The following GNAQ variants were observed in gnomAD, a reference collection of about 807,000 sequenced individuals.
GNAQ encodes G protein subunit alpha q, also known as guanine nucleotide-binding protein G(q) subunit alpha.
Under a neutral mutation model 43.9 loss-of-function variants are expected in GNAQ, and 8 were observed. The ratio of observed to expected loss-of-function variants is 0.18; its 90% confidence interval spans 0.11 to 0.33. The LOEUF (loss-of-function observed/expected upper bound fraction) is 0.33. Among genes scored for constraint, GNAQ ranks in the 10% least tolerant of loss-of-function variants. GNAQ has a pLI of 1.00. For synonymous variants in GNAQ, 155 were observed against 170.7 expected (o/e 0.91, Z 0.71); for missense variants, 158 against 450.8 (o/e 0.35, Z 5.88).
At chr9:77,742,634 A>T (rs11145549) in intron 5 of GNAQ, among the ~76,000 whole-genome samples, 119 of 151,940 alleles carry the variant, frequency 7.8e-4, no homozygotes, top group South Asian at 1.2e-3. Context: ...TGTGTTAGGA[A>T]GTTAAAAGAT....
At chr9:77,809,078 A>G (rs79822165) in intron 3 of GNAQ, among the ~76,000 whole-genome samples, 2,315 of 152,248 alleles carry the variant, frequency 0.015, 54 homozygotes, top group African/African-American at 0.047. Flanking sequence ...TAAATTCAAC[A>G]TGGCACATAA....
At chr9:77,733,645 C>T (rs1270042956) in intron 5 of GNAQ, among the ~76,000 whole-genome samples, 1 of 152,174 alleles carries the variant, frequency 6.6e-6, no homozygotes, top group Non-Finnish European at 1.5e-5. Flanking sequence ...CCCTAGTTTG[C>T]CAACGGTTCA....
intron 6 of GNAQ, among the ~76,000 whole-genome samples, chr9:77,725,434 T>C (rs1279237938): frequency 2.6e-5 from 4 of 152,148 alleles, no homozygotes; most frequent in Non-Finnish European, 5.9e-5. Context: ...CTCAATTTTT[T>C]CAGTGTTTGC....
intron 1 of GNAQ, among the ~76,000 whole-genome samples, chr9:78,016,014 G>A (rs1036835573): frequency 2.0e-5 from 3 of 151,866 alleles, no homozygotes; most frequent in Non-Finnish European, 4.4e-5. Flanking sequence ...AAAAGAATAC[G>A]TTTTTTTCAA....
intron 1 of GNAQ, among the ~76,000 whole-genome samples, chr9:77,943,871 T>C (rs925582139): frequency 6.6e-6 from 1 of 152,026 alleles, no homozygotes; most frequent in African/African-American, 2.4e-5. Context: ...TTTGCCATGA[T>C]GGCCAGGCTG....
chr9:77,984,049 CAAAAAAAAAAAAAAAA>C (rs72279886), intron 1 of GNAQ, among the ~76,000 whole-genome samples: 1 of 67,980 alleles, frequency 1.5e-5, no homozygotes, highest in African/African-American at 5.6e-5. Context: ...TTTTGGAGAG[CAAAAAAAAAAAAAAAA>C]AAAAAAAAAA....
chr9:77,810,127 A>G (rs2118496040), intron 3 of GNAQ, among the ~76,000 whole-genome samples: 1 of 152,284 alleles, frequency 6.6e-6, no homozygotes, highest in South Asian at 2.1e-4. Flanking sequence ...GTGATTTATA[A>G]AACACCTAAT....
At chr9:77,859,705 T>C (rs570443807) in intron 2 of GNAQ, among the ~76,000 whole-genome samples, 240 of 152,310 alleles carry the variant, frequency 1.6e-3, no homozygotes, top group Non-Finnish European at 3.0e-3. Flanking sequence ...ACAGACTGCA[T>C]AACAGCAGCT....
chr9:77,923,978 C>T (rs1313423836), intron 1 of GNAQ, among the ~76,000 whole-genome samples: 1 of 152,198 alleles, frequency 6.6e-6, no homozygotes, highest in African/African-American at 2.4e-5. Context: ...ATAGAAGCCT[C>T]TTAAATGACT....
chr9:77,963,004 G>A (rs947751298), intron 1 of GNAQ, among the ~76,000 whole-genome samples: 5 of 151,252 alleles, frequency 3.3e-5, no homozygotes, highest in African/African-American at 1.2e-4. Context: ...TAACATATCT[G>A]AACAGGATCT....
chr9:77,864,110 G>C (rs898543889), intron 2 of GNAQ, among the ~76,000 whole-genome samples: 6 of 152,010 alleles, frequency 3.9e-5, no homozygotes, highest in Non-Finnish European at 8.8e-5. Flanking sequence ...GAAGGCAAAG[G>C]GAAGCAGGCA....
intron 3 of GNAQ, among the ~76,000 whole-genome samples, chr9:77,812,331 C>T (rs1028927198): frequency 3.3e-5 from 5 of 152,150 alleles, no homozygotes; most frequent in African/African-American, 9.7e-5. Context: ...ACTACCCTAA[C>T]GCCATGGTAA....
intron 6 of GNAQ, among the ~76,000 whole-genome samples, chr9:77,723,962 T>C (rs1364330141): frequency 6.6e-6 from 1 of 152,194 alleles, no homozygotes; most frequent in Non-Finnish European, 1.5e-5. Flanking sequence ...CACTGAATTG[T>C]ACACTTTAAA....
rs182091763 is a variant in GNAQ at position 77,863,933 on chromosome 9, C to T, written c.322-48163G>A. Among the ~76,000 whole-genome samples the T allele has an allele frequency of 4.3e-4, 65 of 152,270 alleles. No homozygotes were observed. In the Middle Eastern group the frequency reaches 0.01, roughly 24 times the overall value. ...CTACCACTGGGTCCCTCCCACAACACGTAGGAATTCAAGATGAGATTTGGG... is the reference window on the plus strand; with the variant it reads ...CTACCACTGGGTCCCTCCCACAACATGTAGGAATTCAAGATGAGATTTGGG... On this transcript the variant is annotated intron_variant, in intron 2 of 6. Coordinates refer to ENST00000286548, the MANE Select transcript of GNAQ (RefSeq NM_002072.5).
At chr9:77,847,413 T>C (rs2117909434) in intron 2 of GNAQ, among the ~76,000 whole-genome samples, 1 of 152,292 alleles carries the variant, frequency 6.6e-6, no homozygotes, top group South Asian at 2.1e-4. Flanking sequence ...ACGATGGGAA[T>C]GGCCTGGAGG....
At chr9:77,903,262 T>G (rs548774813) in intron 2 of GNAQ, among the ~76,000 whole-genome samples, 2 of 152,182 alleles carry the variant, frequency 1.3e-5, no homozygotes, top group East Asian at 3.9e-4. Context: ...GCTGCAAGGA[T>G]GGACCTGAAT....
At chr9:77,742,446 C>A (rs914109247) in intron 5 of GNAQ, among the ~76,000 whole-genome samples, 14 of 151,992 alleles carry the variant, frequency 9.2e-5, no homozygotes, top group African/African-American at 2.9e-4. Flanking sequence ...TATTTTGCCC[C>A]AAATAAGAGT....
intron 1 of GNAQ, among the ~76,000 whole-genome samples, chr9:77,966,257 T>C (rs937049033): frequency 8.5e-5 from 13 of 152,158 alleles, no homozygotes; most frequent in African/African-American, 1.7e-4. Flanking sequence ...GATGATTTCA[T>C]AGACACATGT....
intron 2 of GNAQ, among the ~76,000 whole-genome samples, chr9:77,896,134 G>C (rs1420727192): frequency 2.0e-5 from 3 of 152,088 alleles, no homozygotes; most frequent in South Asian, 2.1e-4. Flanking sequence ...ACAAATCTGG[G>C]GGCAGGGGGC....
Sources: gnomAD v4.1 joint callset for allele counts (sites outside exome capture counted in the v4.1 genomes callset) on GRCh38, gnomAD v4.1.1 for gene constraint, MANE v1.5 for transcripts, NCBI Gene and HGNC (gene_info 2026-07-23, HGNC 2026-07-21) for gene names.